The following SETBP1 variants were observed in gnomAD, a reference collection of about 807,000 sequenced individuals.
SETBP1 encodes SET-binding protein.
SETBP1 carries 9 observed loss-of-function variants against 101.0 expected under a neutral mutation model. The observed-to-expected ratio is 0.09, with a 90% CI of 0.05 to 0.16. The LOEUF (loss-of-function observed/expected upper bound fraction) is 0.16. SETBP1 is among the 10% of genes least tolerant of loss of function. The pLI, the probability that SETBP1 is intolerant of heterozygous loss-of-function variation, is 1.00. For synonymous variants in SETBP1, 818 were observed against 788.5 expected (o/e 1.04, Z -0.63); for missense variants, 1,858 against 2,033.8 (o/e 0.91, Z 1.66).
At chr18:44,684,129 A>C (rs1426508607) in intron 1 of SETBP1, among the ~76,000 whole-genome samples, 2 of 152,186 alleles carry the variant, frequency 1.3e-5, no homozygotes, top group African/African-American at 4.8e-5. Context: ...GTTCCTGTGA[A>C]GGGAGCAAAA....
intron 3 of SETBP1, among the ~76,000 whole-genome samples, chr18:44,916,431 T>A (rs574001278): frequency 6.6e-6 from 1 of 152,352 alleles, no homozygotes; most frequent in African/African-American, 2.4e-5. Flanking sequence ...CACCCATGAA[T>A]GTTTCTGTCT....
chr18:45,054,845 G>T (rs2073782704), intron 5 of SETBP1, among the ~76,000 whole-genome samples: 1 of 152,142 alleles, frequency 6.6e-6, no homozygotes, highest in Non-Finnish European at 1.5e-5. Context: ...TTTCCTTATG[G>T]TCAGAGAAGC....
At chr18:45,041,401 C>G (rs2073505530) in intron 5 of SETBP1, among the ~76,000 whole-genome samples, 1 of 152,142 alleles carries the variant, frequency 6.6e-6, no homozygotes. Flanking sequence ...TGAAACAACT[C>G]ACTTGATTTT....
intron 2 of SETBP1, among the ~76,000 whole-genome samples, chr18:44,818,324 C>G (rs1471988379): frequency 2.6e-5 from 4 of 152,160 alleles, no homozygotes; most frequent in African/African-American, 9.7e-5. Flanking sequence ...AGAAGGACTT[C>G]AGAGTTCGTT....
At chr18:44,771,382 C>G (rs1057118517) in intron 2 of SETBP1, among the ~76,000 whole-genome samples, 2 of 150,266 alleles carry the variant, frequency 1.3e-5, no homozygotes, top group African/African-American at 2.5e-5. Flanking sequence ...GAAAGAGGAC[C>G]CTCACCAGAG....
intron 4 of SETBP1, among the ~76,000 whole-genome samples, chr18:44,990,261 A>G (rs1363001333): frequency 6.6e-6 from 1 of 152,174 alleles, no homozygotes; most frequent in Non-Finnish European, 1.5e-5. Context: ...ATAGTGAACA[A>G]AAATAATAGA....
intron 4 of SETBP1, among the ~76,000 whole-genome samples, chr18:44,974,222 G>A (rs986728210): frequency 6.6e-6 from 1 of 152,090 alleles, no homozygotes; most frequent in African/African-American, 2.4e-5. Flanking sequence ...CCCTGGTCAT[G>A]GGCCACATTT....
intron 2 of SETBP1, chr18:44,733,385 A>G (rs769150797): frequency 9.2e-5 from 14 of 152,206 alleles, no homozygotes; most frequent in Non-Finnish European, 1.5e-4. Flanking sequence ...TGTCGGTTCT[A>G]TTAGATCTGG....
chr18:45,054,514 A>C (rs922867704), intron 5 of SETBP1, among the ~76,000 whole-genome samples: 1 of 151,888 alleles, frequency 6.6e-6, no homozygotes, highest in Admixed American at 6.6e-5. Flanking sequence ...GACAAATAGC[A>C]TCTCCAGAAA....
chr18:44,931,975 C>T lies in SETBP1; in HGVS notation c.541-17906C>T, dbSNP rs192208504. Reference sequence around the variant, plus strand: ...ATATTGTTATGTGTGAATTTGATCCCGTCATTATGATGTTAGCTGCTTATT... The same window carrying T: ...ATATTGTTATGTGTGAATTTGATCCTGTCATTATGATGTTAGCTGCTTATT... On this transcript the variant is annotated intron_variant, in intron 3 of 5. Transcript: ENST00000649279. Among the ~76,000 whole-genome samples, 26 of 152,172 alleles carry T rather than the reference C, an allele frequency of 1.7e-4. No homozygotes were observed. The East Asian group carries it at 3.7e-3, about 21-fold the overall frequency.
intron 4 of SETBP1, among the ~76,000 whole-genome samples, chr18:45,004,313 C>T (rs1032569912): frequency 3.9e-5 from 6 of 152,172 alleles, no homozygotes; most frequent in African/African-American, 1.4e-4. Context: ...CCTTGGCATC[C>T]CAAATTCATC....
intron 3 of SETBP1, among the ~76,000 whole-genome samples, chr18:44,933,624 G>T (rs1488766909): frequency 9.9e-5 from 15 of 152,168 alleles, no homozygotes; most frequent in African/African-American, 1.7e-4. Context: ...TGGATGCTTT[G>T]TTTACCTACT....
intron 3 of SETBP1, among the ~76,000 whole-genome samples, chr18:44,917,830 G>A (rs1400295269): frequency 6.6e-6 from 1 of 152,116 alleles, no homozygotes; most frequent in African/African-American, 2.4e-5. Flanking sequence ...GGCTTCAAGG[G>A]GATGACTCTA....
intron 4 of SETBP1, among the ~76,000 whole-genome samples, chr18:44,966,098 T>A (rs1287895299): frequency 6.6e-6 from 1 of 152,204 alleles, no homozygotes; most frequent in East Asian, 1.9e-4. Flanking sequence ...AAAAGAAGAA[T>A]GTAATATTTT....
At chr18:44,858,809 G>A (rs914269466) in intron 2 of SETBP1, among the ~76,000 whole-genome samples, 1 of 152,180 alleles carries the variant, frequency 6.6e-6, no homozygotes, top group African/African-American at 2.4e-5. Context: ...TGGTAATAGA[G>A]ATGGCTTACT....
chr18:44,780,809 A>G (rs1599117092), intron 2 of SETBP1, among the ~76,000 whole-genome samples: 1 of 152,222 alleles, frequency 6.6e-6, no homozygotes, highest in Non-Finnish European at 1.5e-5. Flanking sequence ...GGCAGCACCC[A>G]GAGGGGCTGT....
At chr18:44,855,542 C>T (rs960740502) in intron 2 of SETBP1, among the ~76,000 whole-genome samples, 1 of 152,164 alleles carries the variant, frequency 6.6e-6, no homozygotes, top group African/African-American at 2.4e-5. Flanking sequence ...CTGATGAACA[C>T]ACCAGTGGTG....
At chr18:44,835,855 A>T (rs1042284275) in intron 2 of SETBP1, among the ~76,000 whole-genome samples, 1 of 152,236 alleles carries the variant, frequency 6.6e-6, no homozygotes, top group Admixed American at 6.5e-5. Context: ...TGCATTTTTA[A>T]AAGAAGGCCT....
chr18:44,882,354 A>G (rs2069548495), intron 3 of SETBP1, among the ~76,000 whole-genome samples: 1 of 152,004 alleles, frequency 6.6e-6, no homozygotes, highest in Non-Finnish European at 1.5e-5. Context: ...GCTCAAGTGG[A>G]AGTTATATCT....
Sources: gnomAD v4.1 joint callset for allele counts (sites outside exome capture counted in the v4.1 genomes callset) on GRCh38, gnomAD v4.1.1 for gene constraint, MANE v1.5 for transcripts, NCBI Gene and HGNC (gene_info 2026-07-23, HGNC 2026-07-21) for gene names.